ABHD12: variants seen among roughly 807,000 people sequenced by gnomAD.
ABHD12 encodes the protein abhydrolase domain containing 12, lysophospholipase.
A neutral mutation model predicts 58.3 loss-of-function variants in ABHD12; 43 were observed. That is an observed-to-expected ratio of 0.74 (90% CI 0.58 to 0.95). The LOEUF is 0.95. ABHD12 is among the 40% of genes least tolerant of loss of function. The pLI is 0.00. For synonymous variants in ABHD12, 219 were observed against 211.2 expected (o/e 1.04, Z -0.32); for missense variants, 539 against 537.2 (o/e 1.00, Z -0.03).
intron 2 of ABHD12, among the ~76,000 whole-genome samples, chr20:25,336,030 C>G (rs1235952408): frequency 1.3e-5 from 2 of 151,988 alleles, no homozygotes; most frequent in African/African-American, 4.8e-5. Flanking sequence ...AAAGCCCTCC[C>G]TAGCCTCTGA....
At position 25,314,896 on chromosome 20, in the gene ABHD12, C is replaced by T. The variant is rs199552387; in HGVS notation, c.619+29G>A. 11 of 1,613,718 alleles carry T rather than the reference C, an allele frequency of 6.8e-6. No homozygotes were observed. In the East Asian group the frequency reaches 2.5e-4, roughly 36 times the overall value. The stretch of plus-strand genomic sequence containing the variant: ...ACCGCCAGCAAGCAGTGGAATTGTG[C>T]TCAGATGCTCTTGCAAAAGAAATCT... On this transcript the variant is annotated intron_variant, in intron 6 of 12. Transcript: ENST00000339157.
chr20:25,389,456 G>A (rs1312902563), intron 1 of ABHD12, among the ~76,000 whole-genome samples: 2 of 152,094 alleles, frequency 1.3e-5, no homozygotes, highest in South Asian at 2.1e-4. Context: ...ATTCCAGATG[G>A]TCAAAAAAGA....
intron 1 of ABHD12, among the ~76,000 whole-genome samples, chr20:25,364,901 G>T (rs1385912956): frequency 6.6e-6 from 1 of 152,212 alleles, no homozygotes; most frequent in Non-Finnish European, 1.5e-5. Flanking sequence ...GTCCTGAGGT[G>T]GAGATGGCTA....
intron 6 of ABHD12, among the ~76,000 whole-genome samples, chr20:25,312,840 G>C (rs1290127746): frequency 2.6e-5 from 4 of 151,882 alleles, no homozygotes; most frequent in Non-Finnish European, 5.9e-5. Context: ...GACCCCGTCT[G>C]GGAGGTGAGG....
intron 1 of ABHD12, among the ~76,000 whole-genome samples, chr20:25,379,453 T>C (rs2146127639): frequency 6.6e-6 from 1 of 152,242 alleles, no homozygotes; most frequent in South Asian, 2.1e-4. Flanking sequence ...CACCCACAAA[T>C]AGATCAACTT....
intron 1 of ABHD12, among the ~76,000 whole-genome samples, chr20:25,353,447 C>T (rs2089628512): frequency 6.6e-6 from 1 of 152,126 alleles, no homozygotes; most frequent in South Asian, 2.1e-4. Flanking sequence ...TCTAACTCTT[C>T]CAAAAGACAA....
At chr20:25,383,942 G>A (rs1308991520) in intron 1 of ABHD12, among the ~76,000 whole-genome samples, 3 of 128,560 alleles carry the variant, frequency 2.3e-5, no homozygotes, top group East Asian at 4.4e-4. Context: ...GCAACAGAGG[G>A]AGACTCTTTC....
chr20:25,300,654 A>G lies in ABHD12; in HGVS notation c.*191T>C, dbSNP rs2088618265. ...TGCCACCCACGCTTTCCACACAGCC[A>G]TGCTCAGGCCTCCGGGCACTGCAGG... On this transcript the variant is annotated 3_prime_UTR_variant, in exon 13 of 13. Coordinates refer to ENST00000339157, the MANE Select transcript of ABHD12 (RefSeq NM_001042472.3). 2.7e-6 allele frequency: 4 copies of G among 1,496,214 alleles called. No homozygotes were observed. The highest frequency in any genetic ancestry group is 1.4e-5 in the African/African-American group (1 of 72,172). 92.7% of individuals were successfully genotyped at this position (1,496,214 alleles called of 1,614,324 possible). A position where few individuals can be genotyped will look rare whatever the true frequency, so the allele number is the denominator to read the frequency against.
chr20:25,327,066 G>C lies in ABHD12; in HGVS notation c.317-3636C>G, dbSNP rs1048061817. On this transcript the variant is annotated intron_variant, in intron 2 of 12. Coordinates refer to ENST00000339157, the MANE Select transcript of ABHD12 (RefSeq NM_001042472.3). ...AAGTGGTTCCATTCCTTTCACCTTG[G>C]GGTAAACACCTACCCCCACTACACC... Among the ~76,000 whole-genome samples the C allele has an allele frequency of 4.6e-5, 7 of 152,282 alleles. No homozygotes were observed. In the East Asian group the frequency reaches 1.4e-3, roughly 29 times the overall value.
At chr20:25,317,865 G>GATAC in intron 4 of ABHD12, among the ~76,000 whole-genome samples, 1 of 152,154 alleles carries the variant, frequency 6.6e-6, no homozygotes, top group African/African-American at 2.4e-5. Context: ...GCAGGGACAT[G>GATAC]GGCCACCTGG....
chr20:25,310,126 C>G (rs1225331193), intron 6 of ABHD12: 1 of 158,538 alleles, frequency 6.3e-6, no homozygotes, highest in Non-Finnish European at 1.4e-5. Flanking sequence ...TGTCCCACTC[C>G]GAGCCCTGAC....
At chr20:25,295,459 T>C, downstream of ABHD12, 3 of 866,308 alleles carry the variant, frequency 3.5e-6, no homozygotes, top group South Asian at 3.1e-5. Flanking sequence ...GCAGCCTGGC[T>C]CTGACCAGCT....
intron 1 of ABHD12, among the ~76,000 whole-genome samples, chr20:25,387,454 G>A (rs565125552): frequency 3.3e-5 from 5 of 151,508 alleles, no homozygotes; most frequent in South Asian, 4.2e-4. Context: ...CCACCTTCTC[G>A]GGAGGCTGAG....
In ABHD12 at chr20:25,390,821, A is replaced by G. The variant is rs886056565; in HGVS notation, c.-118T>C. On this transcript the variant is annotated 5_prime_UTR_variant, in exon 1 of 13. Coordinates refer to ENST00000339157, the MANE Select transcript of ABHD12 (RefSeq NM_001042472.3). Reference sequence around the variant, plus strand: ...CGGAACCCGCCGCTCCTCACATCCCAGCCCAGGCCGCTGCGCCGGCTACGA... The same window carrying G: ...CGGAACCCGCCGCTCCTCACATCCCGGCCCAGGCCGCTGCGCCGGCTACGA... 2.4e-4 allele frequency: 153 copies of G among 630,706 alleles called. No individual in the cohort carries two copies. The Middle Eastern group carries it at 3.5e-3, about 14-fold the overall frequency. 39.1% of individuals were successfully genotyped at this position (630,706 alleles called of 1,614,324 possible).
intron 2 of ABHD12, among the ~76,000 whole-genome samples, chr20:25,334,450 A>G (rs1483580922): frequency 2.6e-5 from 4 of 151,818 alleles, no homozygotes; most frequent in Non-Finnish European, 5.9e-5. Context: ...ATTGGAAAAA[A>G]CTACTTTAAA....
intron 1 of ABHD12, among the ~76,000 whole-genome samples, chr20:25,342,772 G>C (rs917379172): frequency 2.6e-5 from 4 of 151,992 alleles, no homozygotes; most frequent in African/African-American, 9.7e-5. Context: ...TTATTTTGTA[G>C]ATACGAGGTC....
At position 25,360,489 on chromosome 20, in the gene ABHD12, T is replaced by C. The variant is rs2089732279; in HGVS notation, c.192-21138A>G. On this transcript the variant is annotated intron_variant, in intron 1 of 12. Transcript: ENST00000339157. ...CTCCTGACCTCGTGATCTACCCGCC[T>C]TGGCCTCCTAAAGTGCTGGGATTAC... is the stretch of plus-strand genomic sequence containing the variant. Among the ~76,000 whole-genome samples the C allele has an allele frequency of 2.6e-5, 4 of 152,100 alleles. No homozygotes were observed. In the South Asian group the frequency reaches 8.3e-4, roughly 32 times the overall value.
chr20:25,327,424 G>A (rs564061299), intron 2 of ABHD12, among the ~76,000 whole-genome samples: 1 of 150,122 alleles, frequency 6.7e-6, no homozygotes, highest in South Asian at 2.1e-4. Flanking sequence ...CTGAGATCAC[G>A]CCATTGCACT....
intron 1 of ABHD12, among the ~76,000 whole-genome samples, chr20:25,340,259 C>T (rs1568742915): frequency 1.3e-5 from 2 of 151,866 alleles, no homozygotes; most frequent in African/African-American, 2.4e-5. Context: ...TTGCTATAAA[C>T]AATATTTGTT....
Sources: allele counts gnomAD v4.1 joint callset (sites outside exome capture counted in the v4.1 genomes callset), GRCh38; gene constraint gnomAD v4.1.1; transcripts MANE v1.5; gene names NCBI Gene and HGNC (gene_info 2026-07-23, HGNC 2026-07-21).